Variants in ACAP3 observed in about 807,000 individuals in gnomAD.
The protein encoded by ACAP3 is arf-GAP with coiled-coil, ANK repeat and PH domain-containing protein 3.
A neutral mutation model predicts 104.1 loss-of-function variants in ACAP3; 56 were observed. The observed-to-expected ratio is 0.54, with a 90% confidence interval of 0.43 to 0.67. The LOEUF (loss-of-function observed/expected upper bound fraction) is 0.67. Ranked by LOEUF, ACAP3 falls within the 30% of genes least tolerant of loss-of-function variation. ACAP3 has a pLI of 0.00. For missense variants in ACAP3, 1,208 were observed against 1,174.9 expected (o/e 1.03, Z -0.41); for synonymous variants, 628 against 496.2 (o/e 1.27, Z -3.53).
Position 1,296,100 on chromosome 1 carries a change from C to G in ACAP3, c.1417G>C (p.Glu473Gln). 1 of 1,612,774 alleles carries G rather than the reference C, an allele frequency of 6.2e-7. No homozygotes were observed. ...TGATTCACAGCGCTGTTTCCAAGCT[C>G]ACACATCAGCTAGCGGGAGACAGGG... ...WEPELLKLMC[E>Q]LGNSAVNQIY... The change falls in exon 17 of 24, where the codon GAG becomes CAG. Residue 473 changes from glutamate to glutamine, a missense_variant. By Grantham distance (29) the Glu-to-Gln change is conservative. Coordinates refer to ENST00000354700, the MANE Select transcript of ACAP3 (RefSeq NM_030649.3).
intron 1 of ACAP3, chr1:1,307,193 C>T: frequency 1.6e-6 from 2 of 1,287,654 alleles, no homozygotes; most frequent in Non-Finnish European, 1.0e-6. Context: ...TACACGCCTG[C>T]ACGCCACGAA....
chr1:1,303,443 T>G lies in ACAP3; in HGVS notation c.106-162A>C. The G allele has an allele frequency of 2.4e-6, 1 of 419,824 alleles. No homozygotes were observed. The highest frequency in any genetic ancestry group is 2.1e-5 in the South Asian group (1 of 48,120). 26.0% of individuals were successfully genotyped at this position (419,824 alleles called of 1,614,324 possible). ...GGTGCAGCTTCCTCACGCCTGGGCC[T>G]GCCTGGGGCTTGGAGGCCCGTCTGG... On this transcript the variant is annotated intron_variant, in intron 2 of 23. Transcript: ENST00000354700. The surrounding 1 kb of genome is among the most constrained non-coding windows in gnomAD (Gnocchi z 4.0).
At chr1:1,307,004 G>A (rs926956561) in intron 1 of ACAP3, 7 of 465,552 alleles carry the variant, frequency 1.5e-5, no homozygotes, top group African/African-American at 9.9e-5. Context: ...CACGCAGAGG[G>A]GCAAAGTTCA....
At position 1,294,591 on chromosome 1, in the gene ACAP3, G is replaced by A. The variant is rs1423735048; in HGVS notation, c.1950C>T (p.Asp650=). 4.0e-6 allele frequency: 6 copies of A among 1,517,188 alleles called. No individual in the cohort carries two copies. The highest frequency in any genetic ancestry group is 4.5e-5 in the Admixed American group (2 of 44,154). The allele number at this position is 1,517,188 out of a possible 1,614,324, so 94.0% of individuals were successfully genotyped here. The change falls in exon 21 of 24, where the codon GAC becomes GAT. Residue 650 remains aspartate, a synonymous_variant. Transcript: ENST00000354700. ...CCCAGGCCTCGGCCTCAGTGTCCCC[G>A]TCTGCCTCACCGCTGGACTCCTCCG... ...AESEESSGEA[D]GDTEAEAWGL...
chr1:1,307,231 C>T (rs1165280434), intron 1 of ACAP3: 1 of 1,287,356 alleles, frequency 7.8e-7, no homozygotes, highest in Admixed American at 2.3e-5. Context: ...ACTCGGTGTG[C>T]ACACAACCCC....
chr1:1,301,567 C>G lies in ACAP3; in HGVS notation c.338+421G>C, dbSNP rs933979745. On this transcript the variant is annotated intron_variant, in intron 5 of 23. Transcript: ENST00000354700. The stretch of plus-strand genomic sequence containing the variant: ...AGCCACCATGCCCAGCCCCACCCCC[C>G]TCCACTCCAGGCCCTTTCTTTGCTC... 7 of 158,026 alleles carry G rather than the reference C, an allele frequency of 4.4e-5. 1 individual carries two copies. In the Admixed American group the frequency reaches 4.6e-4, roughly 10 times the overall value. 9.8% of individuals were successfully genotyped at this position (158,026 alleles called of 1,614,324 possible).
Position 1,295,474 on chromosome 1 carries a change from CGTCGAA to C in ACAP3, c.1780_1785del (p.Phe594_Asp595del). ...CGAGGGCCAGCCCCTGCGGCCCCTG[CGTCGAA>C]GTAGGAGAAGAGCGAGTCCAGCTCG... On this transcript the variant is annotated inframe_deletion, in exon 19 of 24. Transcript: ENST00000354700. 6.2e-7 allele frequency: 1 copy of C among 1,612,584 alleles called. No individual in the cohort carries two copies. The highest frequency in any genetic ancestry group is 8.5e-7 in the Non-Finnish European group (1 of 1,179,870).
rs766289709 is a variant in ACAP3, at chr1:1,296,604, C to T, written c.1158G>A (p.Thr386=). 113 of 1,538,270 alleles carry T rather than the reference C, an allele frequency of 7.3e-5. 1 individual carries two copies. In the South Asian group the frequency reaches 1.1e-3, roughly 15 times the overall value. ...ERLDRTASPS[T]SSIDSATDTR... Reference sequence around the variant, plus strand: ...TGTCGGTGGCGGAGTCGATGCTGCTCGTGGACGGGGATGCTGTGCGGTCCA... The same window carrying T: ...TGTCGGTGGCGGAGTCGATGCTGCTTGTGGACGGGGATGCTGTGCGGTCCA... Residue 386 remains threonine, a synonymous_variant, in exon 15 of 24, where the codon ACG becomes ACA. Coordinates refer to ENST00000354700, the MANE Select transcript of ACAP3 (RefSeq NM_030649.3).
Position 1,297,910 on chromosome 1 carries a change from G to C in ACAP3, c.1040C>G (p.Ser347Cys), listed in dbSNP as rs1320293577. The C allele has an allele frequency of 2.5e-6, 4 of 1,612,012 alleles. No homozygotes were observed. Among genetic ancestry groups the C allele is most frequent in the African/African-American group, 1.3e-5 (1 of 75,024 alleles). ...GACCCAGGCTTGCCGCAGCTTCTCG[G>C]AGTCAGCCTGCAGCATGCAGCTCCT... ...PTKSCMLQAD[S>C]EKLRQAWVQA... The change falls in exon 14 of 24, where the codon TCC becomes TGC. Residue 347 changes from serine to cysteine, a missense_variant. By Grantham distance (112) the Ser-to-Cys change is moderately radical (BLOSUM62 -1). Transcript: ENST00000354700.
intron 1 of ACAP3, 147 bp from the exon 2 acceptor site, chr1:1,304,290 G>A (rs1429863533): frequency 6.2e-6 from 6 of 966,934 alleles, no homozygotes; most frequent in Non-Finnish European, 9.2e-6. Flanking sequence ...CTGCTACGGG[G>A]GCAGGACTGG....
At chr1:1,302,566 A>G (rs934829601) in intron 4 of ACAP3, among the ~76,000 whole-genome samples, 1 of 152,072 alleles carries the variant, frequency 6.6e-6, no homozygotes, top group Non-Finnish European at 1.5e-5. Context: ...CTGCAGCCCC[A>G]CATCTCACGG....
At position 1,303,061 on chromosome 1, in the gene ACAP3, C is replaced by G. The variant is rs1641520900; in HGVS notation, c.226-86G>C. The G allele has an allele frequency of 1.3e-6, 2 of 1,553,516 alleles. No individual in the cohort carries two copies. The highest frequency in any genetic ancestry group is 1.7e-6 in the Non-Finnish European group (2 of 1,147,802). On this transcript the variant is annotated intron_variant, in intron 3 of 23. Transcript: ENST00000354700. The surrounding 1 kb of genome is among the most constrained non-coding windows in gnomAD (Gnocchi z 4.0). Reference sequence around the variant, plus strand: ...ACGCCCTCTGAGCCCCTGGGCGGTGCAGACACCGGCCTGCTTCTGGCCTGG... The same window carrying G: ...ACGCCCTCTGAGCCCCTGGGCGGTGGAGACACCGGCCTGCTTCTGGCCTGG...
At chr1:1,299,291 G>A (rs926446347) in intron 10 of ACAP3, 54 bp downstream of exon 10, 19 of 1,577,756 alleles carry the variant, frequency 1.2e-5, no homozygotes, top group African/African-American at 1.1e-4. Flanking sequence ...GAAAGGCACC[G>A]CCCCATCTGG....
chr1:1,304,637 G>A (rs1244242231), intron 1 of ACAP3: 3 of 163,910 alleles, frequency 1.8e-5, no homozygotes, highest in African/African-American at 7.2e-5. Flanking sequence ...GCAGCACCAG[G>A]AGGACCCAGA....
Position 1,293,353 on chromosome 1 carries a change from A to T in ACAP3, c.*211T>A, listed in dbSNP as rs916109241. Reference sequence around the variant, plus strand: ...GGTGAGGGACACCCGACGATGCAGCACCCCCCCAGGGAAACGTGAGGCTTC... The same window carrying T: ...GGTGAGGGACACCCGACGATGCAGCTCCCCCCCAGGGAAACGTGAGGCTTC... On this transcript the variant is annotated 3_prime_UTR_variant, in exon 24 of 24. Coordinates refer to ENST00000354700, the MANE Select transcript of ACAP3 (RefSeq NM_030649.3). 24 of 392,914 alleles carry T rather than the reference A, an allele frequency of 6.1e-5. No homozygotes were observed. Among genetic ancestry groups the T allele is most frequent in the Non-Finnish European group, 9.1e-5 (22 of 241,994 alleles). 24.3% of individuals were successfully genotyped at this position (392,914 alleles called of 1,614,324 possible). A position where few individuals can be genotyped will look rare whatever the true frequency, so the allele number is the denominator to read the frequency against.
intron 14 of ACAP3, among the ~76,000 whole-genome samples, chr1:1,296,834 C>T: frequency 6.8e-6 from 1 of 147,422 alleles, no homozygotes; most frequent in Admixed American, 6.7e-5. Flanking sequence ...CACACACGCG[C>T]ACACCCTCAC....
intron 9 of ACAP3, 116 bp from the exon 10 acceptor site, chr1:1,299,472 A>C: frequency 8.0e-7 from 1 of 1,244,102 alleles, no homozygotes. Flanking sequence ...CCCGTCCCCA[A>C]CTCCTGGGGG....
In ACAP3 at chr1:1,297,837, G is replaced by C; in HGVS notation, c.1113C>G (p.Asp371Glu). ...SIASAYRESP[D>E]SCYSERLDRT... ...AGGGCCACACCTCGCTATAGCAACT[G>C]TCAGGGCTCTCGCGGTAGGCGGAGG... Residue 371 changes from aspartate to glutamate, a missense_variant, in exon 14 of 24, where the codon GAC (aspartate) becomes GAG (glutamate). Physicochemically the swap from Asp to Glu is conservative, Grantham distance 45. Coordinates refer to ENST00000354700, the MANE Select transcript of ACAP3 (RefSeq NM_030649.3). 2 of 1,611,678 alleles carry C rather than the reference G, an allele frequency of 1.2e-6. No homozygotes were observed. Among genetic ancestry groups the C allele is most frequent in the South Asian group, 1.1e-5 (1 of 91,056 alleles).
chr1:1,299,696 C>T (rs1429961105), intron 9 of ACAP3, 135 bp downstream of exon 9: 17 of 1,073,576 alleles, frequency 1.6e-5, no homozygotes, highest in Non-Finnish European at 2.0e-5. Context: ...AGCCTTGGTC[C>T]CCTAGAGAGG....
Sources: gnomAD v4.1 joint callset for allele counts (sites outside exome capture counted in the v4.1 genomes callset) on GRCh38, gnomAD v4.1.1 for gene constraint, Gnocchi (gnomAD v3.1) non-coding constraint, MANE v1.5 for transcripts, NCBI Gene and HGNC (gene_info 2026-07-23, HGNC 2026-07-21) for gene names.